Variants in OPRD1 observed in about 807,000 individuals in gnomAD.
OPRD1 encodes the protein delta-type opioid receptor.
OPRD1 carries 19 observed loss-of-function variants against 17.5 expected under a neutral mutation model. The observed-to-expected ratio is 1.09, with a 90% CI of 0.76 to 1.60. OPRD1 has a LOEUF of 1.60. Ranked by LOEUF, OPRD1 falls within the 40% of genes most tolerant of loss-of-function variation. The pLI, the probability that OPRD1 is intolerant of heterozygous loss-of-function variation, is 0.00. For missense variants in OPRD1, 483 were observed against 547.2 expected (o/e 0.88, Z 1.17); for synonymous variants, 256 against 240.9 (o/e 1.06, Z -0.58).
At chr1:28,845,286 C>T (rs943578044) in intron 1 of OPRD1, among the ~76,000 whole-genome samples, 9 of 151,832 alleles carry the variant, frequency 5.9e-5, no homozygotes, top group African/African-American at 2.2e-4. Context: ...GAGTTCAAGA[C>T]TAGCCTGGTA....
At chr1:28,833,721 G>T (rs565316275) in intron 1 of OPRD1, among the ~76,000 whole-genome samples, 31 of 152,164 alleles carry the variant, frequency 2.0e-4, no homozygotes, top group Non-Finnish European at 3.7e-4. Flanking sequence ...CTGGGCTTGA[G>T]TCCTGGTACT....
rs115385707 is a variant in OPRD1 at position 28,844,951 on chromosome 1, G to T, written c.228-14003G>T. ...TGTAGAGATGGGGTTTCAGCATGTT[G>T]GAGAGACTGGTCTCAAACTCCTGAC... On this transcript the variant is annotated intron_variant, in intron 1 of 2. Coordinates refer to ENST00000234961, the MANE Select transcript of OPRD1 (RefSeq NM_000911.4). Among the ~76,000 whole-genome samples the T allele has an allele frequency of 1.1e-3, 162 of 152,178 alleles. 1 individual carries two copies. The highest frequency in any genetic ancestry group is 3.8e-3 in the African/African-American group (156 of 41,558).
At chr1:28,845,749 G>A (rs2088934367) in intron 1 of OPRD1, among the ~76,000 whole-genome samples, 2 of 151,816 alleles carry the variant, frequency 1.3e-5, no homozygotes, top group South Asian at 4.1e-4. Context: ...TTTTGTATAT[G>A]GTGTAAGGGA....
At chr1:28,854,611 A>G (rs946289243) in intron 1 of OPRD1, among the ~76,000 whole-genome samples, 2 of 151,186 alleles carry the variant, frequency 1.3e-5, no homozygotes, top group Middle Eastern at 3.5e-3. Context: ...CGAGCTGGTG[A>G]GGTTGGACTA....
Sources: allele counts gnomAD v4.1 joint callset (sites outside exome capture counted in the v4.1 genomes callset), GRCh38; gene constraint gnomAD v4.1.1; transcripts MANE v1.5; gene names NCBI Gene and HGNC (gene_info 2026-07-23, HGNC 2026-07-21).